MCFD2: variants seen among roughly 807,000 people sequenced by gnomAD.
The protein encoded by MCFD2 is multiple coagulation factor deficiency protein 2.
Under a neutral mutation model 12.8 loss-of-function variants are expected in MCFD2, and 11 were observed. The ratio of observed to expected loss-of-function variants is 0.86; its 90% CI spans 0.54 to 1.42. The LOEUF (loss-of-function observed/expected upper bound fraction) is 1.42. MCFD2 is among the 40% of genes most tolerant of loss of function. The pLI, the probability that MCFD2 is intolerant of heterozygous loss-of-function variation, is 0.00. For missense variants in MCFD2, 191 were observed against 178.6 expected, an observed-to-expected ratio of 1.07 and a Z score of -0.40; for synonymous variants, 70 against 68.1, an observed-to-expected ratio of 1.03 and a Z score of -0.14.
upstream of MCFD2, among the ~76,000 whole-genome samples, chr2:46,918,389 G>T (rs1480509304): frequency 6.6e-6 from 1 of 152,318 alleles, no homozygotes; most frequent in Non-Finnish European, 1.5e-5. Context: ...AGTAGTAGAT[G>T]ATGCTGCTGG....
At chr2:46,935,874 G>A (rs1046800897) in intron 1 of MCFD2, among the ~76,000 whole-genome samples, 4 of 152,100 alleles carry the variant, frequency 2.6e-5, no homozygotes, top group African/African-American at 9.7e-5. Flanking sequence ...AGGATTGCTA[G>A]TGGCCAGGAG....
At position 46,937,224 on chromosome 2, in the gene MCFD2, C is replaced by G. The variant is rs1044654798; in HGVS notation, c.-8+4348G>C. 1.3e-5 allele frequency among the ~76,000 whole-genome samples: 2 copies of G among 152,124 alleles called. No homozygotes were observed. Among genetic ancestry groups the G allele is most frequent in the Non-Finnish European group, 2.9e-5 (2 of 68,004 alleles). ...AAAAAGCTGAACTACTTAAAACTAT[C>G]TTTTAGACCTCCCCTGCCCCAATAT... On this transcript the variant is annotated intron_variant, in intron 1 of 2. Coordinates refer to the MCFD2 transcript ENST00000409147. The surrounding 1 kb of genome is among the most constrained non-coding windows in gnomAD (Gnocchi z 4.0).
intron 1 of MCFD2, among the ~76,000 whole-genome samples, chr2:46,929,929 A>G (rs1371441519): frequency 6.6e-6 from 1 of 152,148 alleles, no homozygotes; most frequent in African/African-American, 2.4e-5. Context: ...GATAATTGTC[A>G]ATGTTTTAGA....
rs1670030995 is a variant in MCFD2, at chr2:46,937,358, C to T, written c.-8+4214G>A. On this transcript the variant is annotated intron_variant, in intron 1 of 2. Coordinates refer to the MCFD2 transcript ENST00000409147. This position sits in a 1 kb window ranked among gnomAD's most constrained non-coding sequence, Gnocchi z 4.0. ...CCCTTTCCTCCTGGCTGGCTAGATA[C>T]CCCAAAGCTCACTTAACTTCAGAAT... Among the ~76,000 whole-genome samples the T allele has an allele frequency of 1.3e-5, 2 of 152,026 alleles. No homozygotes were observed. Among genetic ancestry groups the T allele is most frequent in the African/African-American group, 4.8e-5 (2 of 41,376 alleles).
intron 1 of MCFD2, among the ~76,000 whole-genome samples, chr2:46,910,168 A>C (rs1668426539): frequency 6.6e-6 from 1 of 152,222 alleles, no homozygotes; most frequent in African/African-American, 2.4e-5. Context: ...GTGGTCAATA[A>C]GATGACAGTC....
At chr2:46,933,058 G>GT (rs979521614) in intron 1 of MCFD2, among the ~76,000 whole-genome samples, 3 of 152,236 alleles carry the variant, frequency 2.0e-5, no homozygotes, top group African/African-American at 4.8e-5. Context: ...GCCCTTGTGG[G>GT]TTGGGATGGC....
At chr2:46,927,355 A>ATT (rs60808815) in intron 1 of MCFD2, among the ~76,000 whole-genome samples, 15 of 132,874 alleles carry the variant, frequency 1.1e-4, no homozygotes, top group Admixed American at 3.8e-4. Flanking sequence ...AGAAAAAAAG[A>ATT]TTTTTTTTTT....
chr2:46,940,861 T>G lies in MCFD2; in HGVS notation c.-8+711A>C, dbSNP rs1670271276. On this transcript the variant is annotated intron_variant, in intron 1 of 2. Transcript: ENST00000409147. This position sits in a 1 kb window ranked among gnomAD's most constrained non-coding sequence, Gnocchi z 4.7. ...GGGTTGGGGCCTGTCGGCCGGCCTC[T>G]CCCCATTTTTGTGACGTGTCAGGGG... Among the ~76,000 whole-genome samples the G allele has an allele frequency of 6.6e-6, 1 of 151,938 alleles. No individual in the cohort carries two copies. The highest frequency in any genetic ancestry group is 1.5e-5 in the Non-Finnish European group (1 of 67,962).
upstream of MCFD2, chr2:46,917,243 C>G (rs1290072400): frequency 1.4e-6 from 1 of 700,688 alleles, no homozygotes. Flanking sequence ...AATCCTCCCA[C>G]CACCTCCGCC....
intron 1 of MCFD2, among the ~76,000 whole-genome samples, chr2:46,921,901 G>A (rs1446563814): frequency 2.0e-5 from 3 of 152,118 alleles, no homozygotes; most frequent in Non-Finnish European, 4.4e-5. Flanking sequence ...GCTCAGGTTG[G>A]TAATGCTCAC....
chr2:46,921,073 A>C (rs1374245144), intron 1 of MCFD2, among the ~76,000 whole-genome samples: 1 of 152,204 alleles, frequency 6.6e-6, no homozygotes, highest in Non-Finnish European at 1.5e-5. Context: ...CTTAGAGTGA[A>C]AGACTGAATG....
rs1339302397 is a variant in MCFD2, at chr2:46,907,561, TTTTGTTTTG to T, written c.309+240_309+248del. ...TACCAGGCCTGGCTAATTTTTTAAT[TTTTGTTTTG>T]TTTGTTTTGTAGAGACAGGGTCTCA... On this transcript the variant is annotated intron_variant, in intron 3 of 3. Transcript: ENST00000319466. This position sits in a 1 kb window ranked among gnomAD's most constrained non-coding sequence, Gnocchi z 4.1. The T allele has an allele frequency of 4.1e-6, 2 of 488,006 alleles. No individual in the cohort carries two copies. The highest frequency in any genetic ancestry group is 7.5e-6 in the Non-Finnish European group (2 of 266,644). The allele number at this position is 488,006 out of a possible 1,614,324, so 30.2% of individuals were successfully genotyped here.
intron 1 of MCFD2, among the ~76,000 whole-genome samples, chr2:46,911,062 G>C (rs1291285031): frequency 6.6e-6 from 1 of 152,124 alleles, no homozygotes; most frequent in Non-Finnish European, 1.5e-5. Flanking sequence ...GTGCTAAAAA[G>C]CACCTAGAAT....
chr2:46,917,088 C>G (rs994096754), upstream of MCFD2: 2 of 683,840 alleles, frequency 2.9e-6, no homozygotes, highest in Non-Finnish European at 5.3e-6. Flanking sequence ...CATTGACGGT[C>G]TCATTCCTTT....
intron 1 of MCFD2, among the ~76,000 whole-genome samples, chr2:46,939,628 CTT>C (rs1232231892): frequency 2.6e-5 from 4 of 152,196 alleles, no homozygotes; most frequent in African/African-American, 9.7e-5. Context: ...GAAAGGAGGT[CTT>C]ATTTCTGCCA....
In MCFD2 at chr2:46,907,853, T is replaced by G; in HGVS notation, c.266A>C (p.Asp89Ala). The change falls in exon 3 of 4, where the codon GAT becomes GCT. Residue 89 changes from aspartate to alanine, a missense_variant. Transcript: ENST00000319466. This position sits in a 1 kb window ranked among gnomAD's most constrained non-coding sequence, Gnocchi z 4.1. Reference sequence around the variant, plus strand: ...GATGGCTGTGGAGAGTTCTAAGCCATCAAGCAAATTATTGCCATCATAATC... The same window carrying G: ...GATGGCTGTGGAGAGTTCTAAGCCAGCAAGCAAATTATTGCCATCATAATC... ...MHDYDGNNLLDGLELSTAITH... is the reference protein window; with the variant it reads ...MHDYDGNNLLAGLELSTAITH... 1.2e-6 allele frequency: 2 copies of G among 1,614,228 alleles called. No individual in the cohort carries two copies. The highest frequency in any genetic ancestry group is 8.5e-7 in the Non-Finnish European group (1 of 1,180,034).
upstream of MCFD2, chr2:46,917,069 C>T: frequency 4.7e-6 from 3 of 639,928 alleles, no homozygotes; most frequent in East Asian, 2.8e-5. Context: ...AGTTGCCTAA[C>T]GCCACTGCCA....
Position 46,925,375 on chromosome 2 carries a change from T to G in MCFD2, c.-8+16197A>C, listed in dbSNP as rs1320670678. 4.6e-5 allele frequency among the ~76,000 whole-genome samples: 7 copies of G among 152,232 alleles called. No homozygotes were observed. The East Asian group carries it at 1.4e-3, about 29-fold the overall frequency. On this transcript the variant is annotated intron_variant, in intron 1 of 2. Transcript: ENST00000409147. Reference sequence around the variant, plus strand: ...GAGTTCGAGACTAACCTAGCCAACATGGTGAAACCCCATCTCTACTAAAAA... The same window carrying G: ...GAGTTCGAGACTAACCTAGCCAACAGGGTGAAACCCCATCTCTACTAAAAA...
At chr2:46,909,706 C>T (rs958132394) in intron 1 of MCFD2, among the ~76,000 whole-genome samples, 1 of 152,076 alleles carries the variant, frequency 6.6e-6, no homozygotes, top group African/African-American at 2.4e-5. Context: ...CAGGTGCCCA[C>T]AAGCGGGAAA....
Sources: allele counts gnomAD v4.1 joint callset (sites outside exome capture counted in the v4.1 genomes callset), GRCh38; gene constraint gnomAD v4.1.1; non-coding constraint Gnocchi (gnomAD v3.1); transcripts MANE v1.5; gene names NCBI Gene and HGNC (gene_info 2026-07-23, HGNC 2026-07-21).